SARS1: variants seen among roughly 807,000 people sequenced by gnomAD.
SARS1 encodes seryl-tRNA synthetase 1.
SARS1 carries 25 observed loss-of-function variants against 63.7 expected under a neutral mutation model. The observed-to-expected ratio is 0.39, with a 90% confidence interval of 0.29 to 0.55. SARS1 has a LOEUF of 0.55. Among genes scored for constraint, SARS1 ranks in the 20% least tolerant of loss-of-function variants. The pLI, the probability that SARS1 is intolerant of heterozygous loss-of-function variation, is 0.62. For synonymous variants in SARS1, 231 were observed against 243.5 expected (o/e 0.95, Z 0.48); for missense variants, 417 against 649.7 (o/e 0.64, Z 3.89).
chr1:109,233,862 A>ATTTTTTTTTTTTTT (rs1164453054), intron 6 of SARS1, among the ~76,000 whole-genome samples: 1 of 65,968 alleles, frequency 1.5e-5, no homozygotes, highest in Non-Finnish European at 2.7e-5. Context: ...CACCTGGCTA[A>ATTTTTTTTTTTTTT]TTTTTTTTTT....
intron 1 of SARS1, chr1:109,216,659 A>T: frequency 2.3e-6 from 2 of 884,758 alleles, no homozygotes; most frequent in Non-Finnish European, 2.7e-6. Context: ...ATTTGAGACA[A>T]GGTCTCACTG....
In SARS1 at chr1:109,214,720, T is replaced by G. The variant is rs575486242; in HGVS notation, c.136+592T>G. On this transcript the variant is annotated intron_variant, in intron 1 of 10. Coordinates refer to ENST00000234677, the MANE Select transcript of SARS1 (RefSeq NM_006513.4). The surrounding 1 kb of genome is among the most constrained non-coding windows in gnomAD (Gnocchi z 4.6). ...GGCATACCTTTAAGAATTAGAAAAG[T>G]CTTTTCCGTGGTAGATCAAACGCGA... 246 of 985,448 alleles carry G rather than the reference T, an allele frequency of 2.5e-4. No homozygotes were observed. Among genetic ancestry groups the G allele is most frequent in the Admixed American group, 7.4e-4 (12 of 16,280 alleles). The allele number at this position is 985,448 out of a possible 1,614,324, so 61.0% of individuals were successfully genotyped here.
intron 6 of SARS1, among the ~76,000 whole-genome samples, chr1:109,233,959 C>T (rs1357583096): frequency 6.9e-6 from 1 of 144,704 alleles, no homozygotes; most frequent in Non-Finnish European, 1.5e-5. Context: ...AACCTCTACG[C>T]ACCGAGTTCA....
intron 1 of SARS1, among the ~76,000 whole-genome samples, chr1:109,220,790 TTC>T (rs1654909330): frequency 6.6e-6 from 1 of 152,162 alleles, no homozygotes; most frequent in South Asian, 2.1e-4. Context: ...AGAATTTGTA[TTC>T]TGTTTTGAAA....
At chr1:109,236,328 C>A (rs960916252) in intron 8 of SARS1, 63 bp from the exon 9 acceptor site, 1 of 1,509,530 alleles carries the variant, frequency 6.6e-7, no homozygotes, top group Non-Finnish European at 9.0e-7. Flanking sequence ...TTCAGGCTTG[C>A]TAAAGGTTAG....
At chr1:109,225,488 A>T (rs1655045878) in intron 2 of SARS1, among the ~76,000 whole-genome samples, 1 of 152,140 alleles carries the variant, frequency 6.6e-6, no homozygotes, top group South Asian at 2.1e-4. Context: ...CCAGCTGGGT[A>T]TTTTTTGAAG....
At chr1:109,226,123 G>A (rs1315327564) in intron 2 of SARS1, among the ~76,000 whole-genome samples, 2 of 144,236 alleles carry the variant, frequency 1.4e-5, no homozygotes, top group Admixed American at 7.0e-5. Flanking sequence ...CTCCCTAGTA[G>A]CATGCCACCA....
At chr1:109,236,130 G>A in intron 8 of SARS1, 24 bp downstream of exon 8, 1 of 1,602,794 alleles carries the variant, frequency 6.2e-7, no homozygotes, top group Non-Finnish European at 8.5e-7. Flanking sequence ...CCTCTTCTCA[G>A]CCTCCCTTTC....
chr1:109,213,950 C>G lies in SARS1; in HGVS notation c.-43C>G, dbSNP rs770513123. 1.3e-6 allele frequency: 2 copies of G among 1,571,762 alleles called. No homozygotes were observed. Among genetic ancestry groups the G allele is most frequent in the East Asian group, 2.4e-5 (1 of 42,428 alleles). On this transcript the variant is annotated 5_prime_UTR_variant, in exon 1 of 11. Transcript: ENST00000234677. ...GGCGGTCACAGGCTGAGTGCTGCGG[C>G]GCGATCCTTGCTTCCCTGAGCGTTG...
Position 109,237,598 on chromosome 1 carries a change from A to G in SARS1, c.1388-133A>G. On this transcript the variant is annotated intron_variant, in intron 10 of 10. Coordinates refer to ENST00000234677, the MANE Select transcript of SARS1 (RefSeq NM_006513.4). The surrounding 1 kb of genome is among the most constrained non-coding windows in gnomAD (Gnocchi z 4.1). ...AATTCAGACTAGGGAAGAAAAGAAT[A>G]AAGGAAACCAGTGCCTATCAAAGGG... 1 of 1,150,958 alleles carries G rather than the reference A, an allele frequency of 8.7e-7. No homozygotes were observed. The highest frequency in any genetic ancestry group is 1.2e-6 in the Non-Finnish European group (1 of 808,758). 71.3% of individuals were successfully genotyped at this position (1,150,958 alleles called of 1,614,324 possible).
intron 1 of SARS1, among the ~76,000 whole-genome samples, chr1:109,218,993 G>A (rs921195664): frequency 5.3e-5 from 8 of 151,996 alleles, no homozygotes; most frequent in South Asian, 2.1e-4. Context: ...TAGGCCGGGC[G>A]TGGTGGCTCA....
intron 5 of SARS1, 164 bp from the exon 6 acceptor site, chr1:109,231,467 A>G (rs1655210506): frequency 2.1e-6 from 1 of 486,250 alleles, no homozygotes; most frequent in Non-Finnish European, 3.5e-6. Flanking sequence ...AACGAATCTC[A>G]AGGTTCAGAA....
Position 109,237,668 on chromosome 1 carries a change from G to A in SARS1, c.1388-63G>A, listed in dbSNP as rs1266824177. ...TCATTGTCTTGTTGAATTCTCCCCA[G>A]AGGTCTTAGGGCTTTGACTCACTGA... On this transcript the variant is annotated intron_variant, in intron 10 of 10. Transcript: ENST00000234677. The surrounding 1 kb of genome is among the most constrained non-coding windows in gnomAD (Gnocchi z 4.1). The A allele has an allele frequency of 3.2e-6, 5 of 1,565,972 alleles. No homozygotes were observed. The highest frequency in any genetic ancestry group is 4.4e-6 in the Non-Finnish European group (5 of 1,145,038).
At chr1:109,233,646 A>T (rs539856346) in intron 6 of SARS1, among the ~76,000 whole-genome samples, 1 of 151,980 alleles carries the variant, frequency 6.6e-6, no homozygotes, top group South Asian at 2.1e-4. Flanking sequence ...TATAATTGCC[A>T]TGTACATAAA....
intron 1 of SARS1, among the ~76,000 whole-genome samples, chr1:109,223,719 G>A (rs1197791015): frequency 1.2e-4 from 18 of 152,140 alleles, no homozygotes; most frequent in African/African-American, 3.9e-4. Context: ...CAGGAGAACC[G>A]CTTGAACCTG....
At chr1:109,216,106 G>T (rs1654779668) in intron 1 of SARS1, 1 of 985,206 alleles carries the variant, frequency 1.0e-6, no homozygotes, top group South Asian at 4.7e-5. Context: ...TTTTTCCCAA[G>T]TTCCCAACTG....
At chr1:109,230,055 A>G (rs1348446069) in intron 4 of SARS1, among the ~76,000 whole-genome samples, 3 of 152,086 alleles carry the variant, frequency 2.0e-5, no homozygotes, top group South Asian at 4.2e-4. Context: ...CCTGGTGAAC[A>G]TTAAACTCAC....
At chr1:109,234,798 T>A (rs969908981) in intron 6 of SARS1, among the ~76,000 whole-genome samples, 1 of 152,162 alleles carries the variant, frequency 6.6e-6, no homozygotes, top group Non-Finnish European at 1.5e-5. Flanking sequence ...AAACCTTGTC[T>A]CTACTAACAA....
chr1:109,229,095 G>T lies in SARS1; in HGVS notation c.289-319G>T, dbSNP rs559301747. ...GGTTCAGTCAAGAAAATCAGAAAGT[G>T]CAAATTAAGGGAAAGTTCTCATAAG... On this transcript the variant is annotated intron_variant, in intron 3 of 10. Coordinates refer to ENST00000234677, the MANE Select transcript of SARS1 (RefSeq NM_006513.4). Among the ~76,000 whole-genome samples, 6 of 152,292 alleles carry T rather than the reference G, an allele frequency of 3.9e-5. No individual in the cohort carries two copies. In the South Asian group the frequency reaches 1.2e-3, roughly 32 times the overall value.
Sources: gnomAD v4.1 joint callset for allele counts (sites outside exome capture counted in the v4.1 genomes callset) on GRCh38, gnomAD v4.1.1 for gene constraint, Gnocchi (gnomAD v3.1) non-coding constraint, MANE v1.5 for transcripts, NCBI Gene and HGNC (gene_info 2026-07-23, HGNC 2026-07-21) for gene names.